The following TEK variants were observed in gnomAD, a reference collection of about 807,000 sequenced individuals.
TEK encodes angiopoietin-1 receptor.
Under a neutral mutation model 131.8 loss-of-function variants are expected in TEK, and 43 were observed. The observed-to-expected ratio is 0.33, with a 90% CI of 0.26 to 0.42. The LOEUF is 0.42. Among genes scored for constraint, TEK ranks in the 10% least tolerant of loss-of-function variants. The pLI, the probability that TEK is intolerant of heterozygous loss-of-function variation, is 1.00. For synonymous variants in TEK, 580 were observed against 491.6 expected (o/e 1.18, Z -2.38); for missense variants, 1,162 against 1,384.4 (o/e 0.84, Z 2.55).
chr9:27,138,319 A>G (rs1184528906), intron 1 of TEK, among the ~76,000 whole-genome samples: 1 of 152,196 alleles, frequency 6.6e-6, no homozygotes, highest in East Asian at 1.9e-4. Flanking sequence ...TCCATTTTGC[A>G]GAGAGCTGAT....
rs745322448 is a variant in TEK at position 27,172,721 on chromosome 9, G to A, written c.734G>A (p.Gly245Glu). The A allele has an allele frequency of 6.2e-7, 1 of 1,613,626 alleles. No individual in the cohort carries two copies. ...EDTGECICPP[G>E]FMGRTCEKAC... ...ACTGGAGAATGCATTTGCCCTCCTGGGTTTATGGGAAGGACGTGTGAGAAG... is the reference window on the plus strand; with the variant it reads ...ACTGGAGAATGCATTTGCCCTCCTGAGTTTATGGGAAGGACGTGTGAGAAG... The change falls in exon 5 of 23, where the codon GGG becomes GAG. Residue 245 changes from glycine (G) to glutamate (E), a missense_variant. Around this residue, in one of 6 missense-constraint regions of TEK, gnomAD observed 436 missense variants for 539.1 expected, o/e 0.81. Coordinates refer to ENST00000380036, the MANE Select transcript of TEK (RefSeq NM_000459.5).
chr9:27,144,070 T>C (rs1263544322), intron 1 of TEK, among the ~76,000 whole-genome samples: 2 of 151,776 alleles, frequency 1.3e-5, no homozygotes, highest in Non-Finnish European at 2.9e-5. Context: ...GAACACGAGG[T>C]CAAGAGATCG....
intron 12 of TEK, among the ~76,000 whole-genome samples, chr9:27,201,816 A>C (rs654494): frequency 0.48 from 73,046 of 151,778 alleles, 18,134 homozygotes; most frequent in Non-Finnish European, 0.52. Flanking sequence ...TATGTCTACT[A>C]TTCGCCTACT....
At chr9:27,141,258 T>C (rs1822712862) in intron 1 of TEK, among the ~76,000 whole-genome samples, 1 of 152,172 alleles carries the variant, frequency 6.6e-6, no homozygotes, top group African/African-American at 2.4e-5. Context: ...ATTTGGCTTA[T>C]ATTTTGTTTA....
At chr9:27,146,290 T>C (rs1030174329) in intron 1 of TEK, among the ~76,000 whole-genome samples, 1 of 152,232 alleles carries the variant, frequency 6.6e-6, no homozygotes, top group Non-Finnish European at 1.5e-5. Context: ...AAAGTTAATA[T>C]ACAGTATAAT....
chr9:27,110,734 T>G (rs1346327772), intron 1 of TEK, among the ~76,000 whole-genome samples: 1 of 152,176 alleles, frequency 6.6e-6, no homozygotes, highest in East Asian at 1.9e-4. Flanking sequence ...GAATACAGTT[T>G]GTTTTATAGC....
At chr9:27,173,189 G>T in intron 5 of TEK, 33 bp from the exon 6 acceptor site, 2 of 1,613,584 alleles carry the variant, frequency 1.2e-6, no homozygotes, top group South Asian at 2.2e-5. Flanking sequence ...TTGCATATTT[G>T]ACTCTGAATC....
chr9:27,133,763 C>A (rs541840466), intron 1 of TEK, among the ~76,000 whole-genome samples: 1 of 152,228 alleles, frequency 6.6e-6, no homozygotes, highest in South Asian at 2.1e-4. Flanking sequence ...CCCTATTTTA[C>A]CCCAATTTCA....
At chr9:27,204,849 G>A (rs1044885273) in intron 13 of TEK, 62 bp from the exon 14 acceptor site, 17 of 1,596,788 alleles carry the variant, frequency 1.1e-5, no homozygotes, top group East Asian at 4.5e-5. Flanking sequence ...TCCCACATAC[G>A]GTGTGGGTCT....
At chr9:27,185,706 G>A in intron 9 of TEK, 77 bp downstream of exon 9, 2 of 1,573,836 alleles carry the variant, frequency 1.3e-6, no homozygotes, top group Non-Finnish European at 1.7e-6. Flanking sequence ...AGACAGAAAT[G>A]TATGCGACCA....
chr9:27,125,565 T>C (rs1261012324), intron 1 of TEK, among the ~76,000 whole-genome samples: 1 of 152,194 alleles, frequency 6.6e-6, no homozygotes, highest in Non-Finnish European at 1.5e-5. Context: ...CAGACTCCGG[T>C]GCCAGATAAA....
In TEK at chr9:27,209,144, A is replaced by C. The variant is rs967408711; in HGVS notation, c.2599A>C (p.Arg867=). 2.5e-6 allele frequency: 4 copies of C among 1,613,736 alleles called. No homozygotes were observed. In the African/African-American group the frequency reaches 5.3e-5, roughly 22 times the overall value. Residue 867 remains arginine, a synonymous_variant, in exon 16 of 23, where the codon AGG becomes CGG. Transcript: ENST00000380036. ...AGAATATGCCTCCAAAGATGATCACAGGGACTTTGCAGGAGAACTGGAAGT... is the reference window on the plus strand; with the variant it reads ...AGAATATGCCTCCAAAGATGATCACCGGGACTTTGCAGGAGAACTGGAAGT... The part of the protein sequence containing the change: ...MKEYASKDDH[R]DFAGELEVLC...
chr9:27,158,384 A>AT (rs1277310857), intron 2 of TEK, among the ~76,000 whole-genome samples: 1 of 152,138 alleles, frequency 6.6e-6, no homozygotes, highest in Non-Finnish European at 1.5e-5. Context: ...AATATTTCAT[A>AT]TGTTCTAAGG....
intron 13 of TEK, 140 bp downstream of exon 13, chr9:27,203,259 T>C: frequency 1.6e-5 from 14 of 872,804 alleles, no homozygotes; most frequent in Non-Finnish European, 2.0e-5. Flanking sequence ...AGGTCCTTAA[T>C]ATCAAAATGC....
rs1196960973 is a variant in TEK at position 27,185,540 on chromosome 9, G to A, written c.1238G>A (p.Arg413Gln). ...HFSVAIFTIHRILPPDSGVWV... is the reference protein window; with the variant it reads ...HFSVAIFTIHQILPPDSGVWV... ...TCAGTAGCCATATTCACCATCCACCGGATCCTCCCCCCTGACTCAGGAGTT... is the reference window on the plus strand; with the variant it reads ...TCAGTAGCCATATTCACCATCCACCAGATCCTCCCCCCTGACTCAGGAGTT... Residue 413 changes from arginine to glutamine, a missense_variant, in exon 9 of 23, where the codon CGG becomes CAG. Physicochemically the swap from Arg to Gln is conservative, Grantham distance 43. Coordinates refer to ENST00000380036, the MANE Select transcript of TEK (RefSeq NM_000459.5). 18 of 1,613,450 alleles carry A rather than the reference G, an allele frequency of 1.1e-5. No homozygotes were observed. The highest frequency in any genetic ancestry group is 2.2e-5 in the East Asian group (1 of 44,842).
At chr9:27,170,361 G>T (rs1209673123) in intron 4 of TEK, among the ~76,000 whole-genome samples, 1 of 152,090 alleles carries the variant, frequency 6.6e-6, no homozygotes, top group African/African-American at 2.4e-5. Flanking sequence ...AAAAGTGGCT[G>T]GGTACGGTGG....
intron 11 of TEK, among the ~76,000 whole-genome samples, chr9:27,195,342 C>T (rs1475892480): frequency 1.3e-5 from 2 of 152,130 alleles, no homozygotes; most frequent in Non-Finnish European, 2.9e-5. Flanking sequence ...CAGTGTTTCT[C>T]AACCTTTAAA....
intron 5 of TEK, 85 bp downstream of exon 5, chr9:27,172,832 G>A: frequency 6.4e-7 from 1 of 1,570,178 alleles, no homozygotes; most frequent in Non-Finnish European, 8.7e-7. Context: ...GACACAGATG[G>A]GAATGGACGC....
intron 2 of TEK, among the ~76,000 whole-genome samples, chr9:27,164,564 C>T (rs534376157): frequency 6.9e-4 from 105 of 152,098 alleles, no homozygotes; most frequent in Non-Finnish European, 8.8e-4. Flanking sequence ...TGTGATCTGC[C>T]CACCTTGGCC....
Sources: gnomAD v4.1 joint callset for allele counts (sites outside exome capture counted in the v4.1 genomes callset) on GRCh38, gnomAD v4.1.1 for gene constraint, gnomAD v4.1.1 regional missense constraint, MANE v1.5 for transcripts, NCBI Gene and HGNC (gene_info 2026-07-23, HGNC 2026-07-21) for gene names.